The following RFX3 variants were observed in gnomAD, a reference collection of about 807,000 sequenced individuals.
The protein encoded by RFX3 is transcription factor RFX3.
In RFX3, 14 loss-of-function variants were observed where a neutral mutation model predicts 98.6. The observed-to-expected ratio is 0.14, with a 90% CI of 0.09 to 0.22. The LOEUF is 0.22. RFX3 is among the 10% of genes least tolerant of loss of function. The pLI is 1.00. For synonymous variants in RFX3, 383 were observed against 328.4 expected, an observed-to-expected ratio of 1.17 and a Z score of -1.80; for missense variants, 639 against 926.9, an observed-to-expected ratio of 0.69 and a Z score of 4.03.
Position 3,422,001 on chromosome 9 carries a change from T to TAA in RFX3, c.-8-26407_-8-26406dup, listed in dbSNP as rs34739292. 1.9e-3 allele frequency among the ~76,000 whole-genome samples: 268 copies of TAA among 144,712 alleles called. 1 individual carries two copies. Among genetic ancestry groups the TAA allele is most frequent in the African/African-American group, 5.6e-3 (228 of 40,388 alleles). 94.9% of individuals were successfully genotyped at this position (144,712 alleles called of 152,430 possible). On this transcript the variant is annotated intron_variant, in intron 1 of 16. Transcript: ENST00000617270. ...ATGATAGTGTTGTAAGTGACTCTTC[T>TAA]AAAAAAAAAAAAAATCTAAGGAGGC...
intron 1 of RFX3, among the ~76,000 whole-genome samples, chr9:3,414,926 A>ATATATATACACATATATG (rs1842822050): frequency 7.9e-6 from 1 of 125,924 alleles, no homozygotes; most frequent in African/African-American, 3.7e-5. Flanking sequence ...ATATACTCAT[A>ATATATATACACATATATG]TGTGTGTATA....
At chr9:3,335,078 C>G (rs942921274) in intron 3 of RFX3, among the ~76,000 whole-genome samples, 2 of 151,888 alleles carry the variant, frequency 1.3e-5, no homozygotes, top group African/African-American at 4.8e-5. Flanking sequence ...GAGGTCACAC[C>G]ACTGCACTCC....
intron 15 of RFX3, chr9:3,247,410 G>C: frequency 1.2e-6 from 1 of 834,546 alleles, no homozygotes. Context: ...CCATTTTTTA[G>C]CTGAGTAATC....
chr9:3,254,868 C>G (rs903927618), intron 14 of RFX3, among the ~76,000 whole-genome samples: 2 of 152,182 alleles, frequency 1.3e-5, no homozygotes, highest in Non-Finnish European at 2.9e-5. Flanking sequence ...CACCCAGATC[C>G]AAACCTAGCA....
At chr9:3,307,852 T>C (rs568445823) in intron 4 of RFX3, among the ~76,000 whole-genome samples, 1 of 152,346 alleles carries the variant, frequency 6.6e-6, no homozygotes, top group South Asian at 2.1e-4. Context: ...CTCAGTGATA[T>C]CTCTCTTCTT....
chr9:3,439,719 T>C (rs1845461053), intron 1 of RFX3, among the ~76,000 whole-genome samples: 2 of 151,936 alleles, frequency 1.3e-5, no homozygotes, highest in Non-Finnish European at 2.9e-5. Flanking sequence ...TAAACAATAC[T>C]AACAATACTA....
intron 12 of RFX3, among the ~76,000 whole-genome samples, chr9:3,263,884 T>C (rs2131235788): frequency 6.6e-6 from 1 of 152,280 alleles, no homozygotes; most frequent in South Asian, 2.1e-4. Context: ...AGGGTACTTA[T>C]TCACTGCAAC....
intron 1 of RFX3, among the ~76,000 whole-genome samples, chr9:3,475,148 T>G (rs1849123060): frequency 7.2e-6 from 1 of 138,704 alleles, no homozygotes; most frequent in Non-Finnish European, 1.6e-5. Flanking sequence ...GGAAGGAAGG[T>G]AGGTTGCCAA....
chr9:3,509,151 G>A (rs1172364256), intron 1 of RFX3, among the ~76,000 whole-genome samples: 1 of 151,898 alleles, frequency 6.6e-6, no homozygotes, highest in African/African-American at 2.4e-5. Context: ...GCGTCTGGTT[G>A]CTATGGAATA....
At chr9:3,453,005 A>G (rs184908575) in intron 1 of RFX3, among the ~76,000 whole-genome samples, 1 of 152,270 alleles carries the variant, frequency 6.6e-6, no homozygotes, top group Non-Finnish European at 1.5e-5. Flanking sequence ...AGCCCTCTCT[A>G]TTTACTAGTT....
At chr9:3,462,571 A>G (rs1847794422) in intron 1 of RFX3, among the ~76,000 whole-genome samples, 1 of 152,104 alleles carries the variant, frequency 6.6e-6, no homozygotes, top group Admixed American at 6.5e-5. Flanking sequence ...TGAAAGGCAC[A>G]CAAATTAGAA....
chr9:3,307,358 T>C (rs1271011133), intron 4 of RFX3, among the ~76,000 whole-genome samples: 1 of 152,070 alleles, frequency 6.6e-6, no homozygotes, highest in East Asian at 1.9e-4. Context: ...TAAAAAGTCT[T>C]GAGAAAGGGA....
At chr9:3,395,083 T>C (rs1031708574) in intron 2 of RFX3, among the ~76,000 whole-genome samples, 1 of 152,212 alleles carries the variant, frequency 6.6e-6, no homozygotes, top group Non-Finnish European at 1.5e-5. Flanking sequence ...TATTAAGTAC[T>C]ACTGTGAGCC....
At chr9:3,324,230 A>G (rs1403646029) in intron 4 of RFX3, 1 of 209,324 alleles carries the variant, frequency 4.8e-6, no homozygotes, top group East Asian at 1.0e-4. Flanking sequence ...AAATTATTTT[A>G]AATAGAAATT....
chr9:3,263,181 C>T (rs1331026231), intron 12 of RFX3, 97 bp from the exon 13 acceptor site: 26 of 1,274,878 alleles, frequency 2.0e-5, no homozygotes, highest in Non-Finnish European at 2.9e-5. Context: ...ATTTTAAATG[C>T]TTGCCTCTGA....
intron 13 of RFX3, among the ~76,000 whole-genome samples, chr9:3,259,182 G>A (rs573450246): frequency 9.2e-5 from 14 of 151,802 alleles, no homozygotes; most frequent in South Asian, 2.1e-4. Context: ...TTGTTTGCAC[G>A]TTGATAATTG....
chr9:3,423,002 C>T (rs1022308466), intron 1 of RFX3, among the ~76,000 whole-genome samples: 1 of 152,040 alleles, frequency 6.6e-6, no homozygotes, highest in Non-Finnish European at 1.5e-5. Context: ...AGATAAAAGA[C>T]AAAAAATAAG....
chr9:3,416,933 C>T (rs1421267147), intron 1 of RFX3, among the ~76,000 whole-genome samples: 1 of 151,946 alleles, frequency 6.6e-6, no homozygotes, highest in Non-Finnish European at 1.5e-5. Flanking sequence ...AATGAAGAGA[C>T]AGAGATTGTC....
At chr9:3,253,394 G>A (rs1009365576) in intron 14 of RFX3, among the ~76,000 whole-genome samples, 4 of 152,142 alleles carry the variant, frequency 2.6e-5, no homozygotes, top group African/African-American at 9.7e-5. Flanking sequence ...CTACTTTCAC[G>A]CCAAATATCA....
Sources: gnomAD v4.1 joint callset for allele counts (sites outside exome capture counted in the v4.1 genomes callset) on GRCh38, gnomAD v4.1.1 for gene constraint, MANE v1.5 for transcripts, NCBI Gene and HGNC (gene_info 2026-07-23, HGNC 2026-07-21) for gene names.